Variants in SLC9A4 observed in about 807,000 individuals in gnomAD.
The protein encoded by SLC9A4 is sodium/hydrogen exchanger 4.
SLC9A4 carries 63 observed loss-of-function variants against 67.4 expected under a neutral mutation model. That is an observed-to-expected ratio of 0.93 (90% CI 0.76 to 1.15). The LOEUF (loss-of-function observed/expected upper bound fraction) is 1.15. SLC9A4 is among the 50% of genes most tolerant of loss of function. The pLI, the probability that SLC9A4 is intolerant of heterozygous loss-of-function variation, is 0.00. For synonymous variants in SLC9A4, 393 were observed against 367.2 expected (o/e 1.07, Z -0.80); for missense variants, 1,089 against 987.7 (o/e 1.10, Z -1.38).
At chr2:102,529,148 T>C (rs1027666312) in intron 11 of SLC9A4, among the ~76,000 whole-genome samples, 4 of 152,248 alleles carry the variant, frequency 2.6e-5, no homozygotes, top group African/African-American at 9.6e-5. Context: ...AATACAGATG[T>C]TCTTGGAAAG....
intron 2 of SLC9A4, among the ~76,000 whole-genome samples, chr2:102,491,949 C>T (rs367851726): frequency 6.6e-6 from 1 of 152,128 alleles, no homozygotes; most frequent in African/African-American, 2.4e-5. Flanking sequence ...AGAAATTGAC[C>T]AAAATGAAGG....
intron 11 of SLC9A4, among the ~76,000 whole-genome samples, chr2:102,526,699 G>A (rs1674673698): frequency 6.6e-6 from 1 of 152,050 alleles, no homozygotes; most frequent in South Asian, 2.1e-4. Flanking sequence ...TGTGAAAGGA[G>A]TGTTTCATTG....
At chr2:102,483,622 T>G (rs1163937290) in intron 2 of SLC9A4, among the ~76,000 whole-genome samples, 5 of 152,036 alleles carry the variant, frequency 3.3e-5, no homozygotes, top group Non-Finnish European at 7.4e-5. Context: ...TTGCTGAATA[T>G]TTTAGGTTAT....
At chr2:102,525,533 T>C (rs1367276132) in intron 10 of SLC9A4, among the ~76,000 whole-genome samples, 2 of 151,682 alleles carry the variant, frequency 1.3e-5, no homozygotes, top group South Asian at 2.1e-4. Context: ...GATCCCAGGA[T>C]GCTTACTTCT....
chr2:102,479,177 T>C lies in SLC9A4; in HGVS notation c.595T>C (p.Phe199Leu), dbSNP rs1431202989. 2 of 1,614,202 alleles carry C rather than the reference T, an allele frequency of 1.2e-6. No homozygotes were observed. Among genetic ancestry groups the C allele is most frequent in the South Asian group, 2.2e-5 (2 of 91,076 alleles). ...GDVNLLQNLL[F>L]GSLISAVDPV... ...CGTCAACCTGCTGCAGAACCTGCTG[T>C]TCGGCAGCCTGATCTCCGCCGTGGA... The change falls in exon 2 of 12, where the codon TTC (phenylalanine) becomes CTC (leucine). Residue 199 changes from phenylalanine (F) to leucine (L), a missense_variant. Physicochemically the swap from Phe to Leu is conservative, Grantham distance 22 (BLOSUM62 0). Coordinates refer to ENST00000295269, the MANE Select transcript of SLC9A4 (RefSeq NM_001011552.4).
rs903714969 is a variant in SLC9A4 at position 102,508,298 on chromosome 2, T to C, written c.1401+17T>C. ...TTTATTCAGGTAAGTAGATTTCCCT[T>C]ATATTTAAATAAATAGGTTATTTCA... On this transcript the variant is annotated intron_variant, in intron 5 of 11. Coordinates refer to ENST00000295269, the MANE Select transcript of SLC9A4 (RefSeq NM_001011552.4). 6.4e-7 allele frequency: 1 copy of C among 1,564,838 alleles called. No individual in the cohort carries two copies. Among genetic ancestry groups the C allele is most frequent in the Non-Finnish European group, 8.7e-7 (1 of 1,146,934 alleles).
chr2:102,492,527 C>T (rs1305744744), intron 2 of SLC9A4, among the ~76,000 whole-genome samples: 1 of 152,208 alleles, frequency 6.6e-6, no homozygotes, highest in African/African-American at 2.4e-5. Context: ...AGTATTTTGG[C>T]CCCTTTTAGC....
intron 1 of SLC9A4, among the ~76,000 whole-genome samples, chr2:102,478,556 C>T (rs957551773): frequency 3.9e-5 from 6 of 152,168 alleles, no homozygotes; most frequent in Admixed American, 1.3e-4. Flanking sequence ...CCTTTTCCCT[C>T]ATGCACCCTC....
intron 1 of SLC9A4, among the ~76,000 whole-genome samples, chr2:102,476,685 C>T (rs761201374): frequency 2.6e-4 from 38 of 148,872 alleles, no homozygotes; most frequent in African/African-American, 6.5e-4. Flanking sequence ...AGAAGGAAAA[C>T]GGTAAGGAGA....
At chr2:102,474,056 CATAAGATAGTGAATGTGAAA>C in intron 1 of SLC9A4, 41 bp downstream of exon 1, 1 of 1,591,888 alleles carries the variant, frequency 6.3e-7, no homozygotes, top group Non-Finnish European at 8.6e-7. Flanking sequence ...TATCTTTTTA[CATAAGATAGTGAATGTGAAA>C]ATGCCTTATA....
chr2:102,513,942 G>A, intron 7 of SLC9A4, 148 bp from the exon 8 acceptor site: 2 of 1,106,780 alleles, frequency 1.8e-6, no homozygotes, highest in Non-Finnish European at 2.4e-6. Context: ...TTTAAAAAAT[G>A]TGTTCAAATG....
chr2:102,504,761 C>T (rs545499930), intron 3 of SLC9A4, among the ~76,000 whole-genome samples: 85 of 152,302 alleles, frequency 5.6e-4, no homozygotes, highest in African/African-American at 1.9e-3. Context: ...TTCTCTTTCC[C>T]ATACTTGCTT....
chr2:102,530,709 C>T (rs185869483), intron 11 of SLC9A4, among the ~76,000 whole-genome samples: 5 of 152,214 alleles, frequency 3.3e-5, no homozygotes. Flanking sequence ...CACCAAGGAT[C>T]CAGAGGAACT....
intron 1 of SLC9A4, among the ~76,000 whole-genome samples, chr2:102,474,353 T>G (rs570927049): frequency 2.8e-4 from 42 of 152,348 alleles, no homozygotes; most frequent in African/African-American, 9.6e-4. Context: ...GACCTGGGCA[T>G]GATGCAAGGT....
chr2:102,511,378 C>T (rs924556183), intron 6 of SLC9A4, among the ~76,000 whole-genome samples: 5 of 152,092 alleles, frequency 3.3e-5, no homozygotes, highest in African/African-American at 4.8e-5. Flanking sequence ...ATTGCATAAT[C>T]CACCTAAGTC....
At chr2:102,491,759 A>T (rs1340158430) in intron 2 of SLC9A4, among the ~76,000 whole-genome samples, 2 of 152,150 alleles carry the variant, frequency 1.3e-5, no homozygotes, top group East Asian at 3.9e-4. Context: ...ATGCCTTCCC[A>T]ATAGTTCCCC....
intron 4 of SLC9A4, among the ~76,000 whole-genome samples, chr2:102,506,787 A>T (rs1304346937): frequency 6.6e-6 from 1 of 152,136 alleles, no homozygotes; most frequent in Non-Finnish European, 1.5e-5. Context: ...CTAGGAGAGG[A>T]TTTATATTGC....
intron 1 of SLC9A4, among the ~76,000 whole-genome samples, chr2:102,475,556 C>G (rs564817789): frequency 6.6e-6 from 1 of 152,164 alleles, no homozygotes; most frequent in African/African-American, 2.4e-5. Context: ...TGTCTAGGAG[C>G]GAAGAACACT....
At chr2:102,510,435 G>A (rs977873722) in intron 6 of SLC9A4, among the ~76,000 whole-genome samples, 1 of 152,192 alleles carries the variant, frequency 6.6e-6, no homozygotes, top group Non-Finnish European at 1.5e-5. Context: ...CAAAGCTGCT[G>A]TCTACAAGTA....
Sources: gnomAD v4.1 joint callset for allele counts (sites outside exome capture counted in the v4.1 genomes callset) on GRCh38, gnomAD v4.1.1 for gene constraint, MANE v1.5 for transcripts, NCBI Gene and HGNC (gene_info 2026-07-23, HGNC 2026-07-21) for gene names.